The following ATP2B1 variants were observed in gnomAD, a reference collection of about 807,000 sequenced individuals.
ATP2B1 encodes the protein ATPase plasma membrane Ca2+ transporting 1, also known as plasma membrane calcium-transporting ATPase 1.
ATP2B1 carries 14 observed loss-of-function variants against 124.2 expected under a neutral mutation model. The ratio of observed to expected loss-of-function variants is 0.11; its 90% confidence interval spans 0.07 to 0.18. The LOEUF (loss-of-function observed/expected upper bound fraction) is 0.18. Ranked by LOEUF, ATP2B1 falls within the 10% of genes least tolerant of loss-of-function variation. The probability of loss-of-function intolerance (pLI) is 1.00; values close to 1 mark genes in which losing one functional copy is unlikely to be tolerated. For synonymous variants in ATP2B1, 449 were observed against 492.4 expected, an observed-to-expected ratio of 0.91 and a Z score of 1.17; for missense variants, 763 against 1,466.1, an observed-to-expected ratio of 0.52 and a Z score of 7.83.
chr12:89,666,676 T>C (rs1032599555), intron 1 of ATP2B1, among the ~76,000 whole-genome samples: 2 of 152,210 alleles, frequency 1.3e-5, no homozygotes, highest in Non-Finnish European at 2.9e-5. Context: ...GGCTGAGCAA[T>C]GTTGGTAAAA....
At chr12:89,656,392 A>C (rs1349137460) in intron 1 of ATP2B1, among the ~76,000 whole-genome samples, 1 of 152,168 alleles carries the variant, frequency 6.6e-6, no homozygotes, top group Non-Finnish European at 1.5e-5. Flanking sequence ...TTATTGTTCC[A>C]AGCACTATGC....
intron 1 of ATP2B1, among the ~76,000 whole-genome samples, chr12:89,656,932 T>G (rs1332001248): frequency 1.3e-5 from 2 of 152,226 alleles, no homozygotes; most frequent in African/African-American, 2.4e-5. Context: ...AACCTAGAAC[T>G]GTACCAGACA....
intron 1 of ATP2B1, among the ~76,000 whole-genome samples, chr12:89,698,332 C>G (rs546859848): frequency 4.6e-5 from 7 of 152,176 alleles, no homozygotes; most frequent in Admixed American, 1.3e-4. Context: ...TACTAATATA[C>G]ACAACATGGA....
chr12:89,707,250 A>T (rs1439450011), intron 1 of ATP2B1, among the ~76,000 whole-genome samples: 1 of 152,190 alleles, frequency 6.6e-6, no homozygotes, highest in Non-Finnish European at 1.5e-5. Context: ...GTGGGCCACC[A>T]TCCAAAGGGT....
intron 11 of ATP2B1, 83 bp downstream of exon 11, chr12:89,619,916 A>AGAC: frequency 6.6e-7 from 1 of 1,512,880 alleles, no homozygotes; most frequent in Admixed American, 2.0e-5. Flanking sequence ...GTTCACAAAA[A>AGAC]GACAACAACA....
chr12:89,695,335 G>A (rs1279859949), intron 1 of ATP2B1, among the ~76,000 whole-genome samples: 1 of 152,054 alleles, frequency 6.6e-6, no homozygotes, highest in Admixed American at 6.6e-5. Flanking sequence ...GAGCAAGGCT[G>A]ACTTAAAGCT....
chr12:89,651,961 A>C (rs1490612791), intron 2 of ATP2B1, among the ~76,000 whole-genome samples: 1 of 152,208 alleles, frequency 6.6e-6, no homozygotes, highest in Non-Finnish European at 1.5e-5. Flanking sequence ...CATCATAAGG[A>C]TAGCCTATCA....
intron 3 of ATP2B1, among the ~76,000 whole-genome samples, chr12:89,638,510 A>G (rs1299805220): frequency 1.3e-5 from 2 of 152,234 alleles, no homozygotes; most frequent in Non-Finnish European, 2.9e-5. Context: ...ACTGCATGTG[A>G]TAATGTGACA....
At chr12:89,627,851 G>T in intron 6 of ATP2B1, 135 bp from the exon 7 acceptor site, 2 of 924,260 alleles carry the variant, frequency 2.2e-6, no homozygotes, top group Non-Finnish European at 3.3e-6. Flanking sequence ...GAAAACATTT[G>T]ACTTGTGATG....
chr12:89,700,146 G>A (rs1474841847), intron 1 of ATP2B1, among the ~76,000 whole-genome samples: 4 of 151,676 alleles, frequency 2.6e-5, no homozygotes, highest in South Asian at 4.1e-4. Context: ...GAGCCACTGC[G>A]CTCGGCCAAA....
At position 89,603,957 on chromosome 12, in the gene ATP2B1, A is replaced by G. The variant is rs547064695; in HGVS notation, c.2635-32T>C. 3.1e-6 allele frequency: 5 copies of G among 1,600,360 alleles called. No individual in the cohort carries two copies. The highest frequency in any genetic ancestry group is 1.7e-4 in the Middle Eastern group (1 of 6,016). ...AAGATATGTTTCCTAATAGACATTC[A>G]CAACTACTCAGGGGCTCAGCAATTC... is the stretch of plus-strand genomic sequence containing the variant. On this transcript the variant is annotated intron_variant, in intron 16 of 20. Coordinates refer to ENST00000428670, the MANE Select transcript of ATP2B1 (RefSeq NM_001366521.1). This position sits in a 1 kb window ranked among gnomAD's most constrained non-coding sequence, Gnocchi z 4.3.
intron 1 of ATP2B1, among the ~76,000 whole-genome samples, chr12:89,670,972 G>T (rs1218936444): frequency 1.4e-5 from 2 of 147,934 alleles, no homozygotes; most frequent in South Asian, 4.3e-4. Flanking sequence ...AAAAAGGGGT[G>T]GGGGGGCTCA....
In ATP2B1 at chr12:89,601,408, T is replaced by C. The variant is rs1383599527; in HGVS notation, c.3086A>G (p.Lys1029Arg). ...VQIIIVQFGG[K>R]PFSCSELSIE... ...TGAAAGTTCTGAACAACTGAAAGGT[T>C]TTCCACCAAACTGCACAATTATTAT... Residue 1029 changes from lysine to arginine, a missense_variant, in exon 19 of 21, where the codon AAA becomes AGA. By Grantham distance (26) the Lys-to-Arg change is conservative. This residue lies in a region of ATP2B1 where 118 missense variants were observed against 240.3 expected (regional missense o/e 0.49). Coordinates refer to ENST00000428670, the MANE Select transcript of ATP2B1 (RefSeq NM_001366521.1). 6.4e-7 allele frequency: 1 copy of C among 1,570,380 alleles called. No homozygotes were observed. The highest frequency in any genetic ancestry group is 8.6e-7 in the Non-Finnish European group (1 of 1,166,650).
intron 1 of ATP2B1, among the ~76,000 whole-genome samples, chr12:89,694,456 G>A (rs1040801281): frequency 1.3e-5 from 2 of 152,116 alleles, no homozygotes; most frequent in Non-Finnish European, 2.9e-5. Flanking sequence ...TCTGCTTATG[G>A]GGGGGTTACC....
At chr12:89,661,009 T>C (rs965623084) in intron 1 of ATP2B1, among the ~76,000 whole-genome samples, 2 of 152,200 alleles carry the variant, frequency 1.3e-5, no homozygotes, top group African/African-American at 4.8e-5. Flanking sequence ...AATCCATGAC[T>C]GGTTCTATAT....
intron 1 of ATP2B1, among the ~76,000 whole-genome samples, chr12:89,679,092 G>A (rs1256944475): frequency 1.3e-5 from 2 of 151,840 alleles, no homozygotes; most frequent in African/African-American, 4.8e-5. Context: ...CTCAGAAAAA[G>A]GTAAACATTA....
At chr12:89,628,193 G>T (rs916976010) in intron 6 of ATP2B1, among the ~76,000 whole-genome samples, 13 of 151,554 alleles carry the variant, frequency 8.6e-5, no homozygotes, top group African/African-American at 3.2e-4. Context: ...ATCTGAGGTC[G>T]GGAGTTCAAG....
Position 89,590,930 on chromosome 12 carries a change from A to C in ATP2B1, c.*54T>G. On this transcript the variant is annotated 3_prime_UTR_variant, in exon 21 of 21. Transcript: ENST00000428670. ...TCCATCACAATATGTGAAAAGACCC[A>C]GTTTCAATTTGTTTCTTTACAATGC... The C allele has an allele frequency of 6.6e-7, 1 of 1,516,268 alleles. No homozygotes were observed. The highest frequency in any genetic ancestry group is 9.0e-7 in the Non-Finnish European group (1 of 1,109,480). 93.9% of individuals were successfully genotyped at this position (1,516,268 alleles called of 1,614,324 possible). A position where few individuals can be genotyped will look rare whatever the true frequency, so the allele number is the denominator to read the frequency against.
intron 2 of ATP2B1, among the ~76,000 whole-genome samples, chr12:89,644,493 C>CCA (rs1884129538): frequency 6.6e-6 from 1 of 151,168 alleles, no homozygotes; most frequent in South Asian, 2.1e-4. Flanking sequence ...ATAACAGGGT[C>CCA]CATACTGGGC....
Sources: allele counts gnomAD v4.1 joint callset (sites outside exome capture counted in the v4.1 genomes callset), GRCh38; gene constraint gnomAD v4.1.1; regional missense constraint gnomAD v4.1.1; non-coding constraint Gnocchi (gnomAD v3.1); transcripts MANE v1.5; gene names NCBI Gene and HGNC (gene_info 2026-07-23, HGNC 2026-07-21).